Variants in OPHN1 observed in about 807,000 individuals in gnomAD.
OPHN1 encodes oligophrenin-1.
OPHN1 carries 11 observed loss-of-function variants against 60.7 expected under a neutral mutation model. That is an observed-to-expected ratio of 0.18 (90% CI 0.11 to 0.30). The LOEUF (loss-of-function observed/expected upper bound fraction) is 0.30, where lower values mean the gene tolerates loss of function less well. Among genes scored for constraint, OPHN1 ranks in the 10% least tolerant of loss-of-function variants. OPHN1 has a pLI of 1.00. For missense variants in OPHN1, 449 were observed against 611.0 expected, an observed-to-expected ratio of 0.73 and a Z score of 2.80; for synonymous variants, 226 against 222.6, an observed-to-expected ratio of 1.02 and a Z score of -0.14.
chrX:68,402,403 AGAAG>A (rs1773459646), intron 2 of OPHN1, among the ~76,000 whole-genome samples: 1 of 91,868 alleles, frequency 1.1e-5, no homozygotes, highest in African/African-American at 3.5e-5. Flanking sequence ...AGAAGAGAAG[AGAAG>A]GAAGAGAAGA....
At chrX:68,299,704 G>A (rs1441016570) in intron 2 of OPHN1, among the ~76,000 whole-genome samples, 3 of 112,100 alleles carry the variant, frequency 2.7e-5, no homozygotes, top group Non-Finnish European at 5.6e-5. Context: ...AGAAAGCAAC[G>A]AATGAAAACA....
intron 2 of OPHN1, among the ~76,000 whole-genome samples, chrX:68,416,010 G>T (rs1417475721): frequency 1.1e-5 from 1 of 94,697 alleles, no homozygotes; most frequent in Non-Finnish European, 2.0e-5. Context: ...GCAAGACTCC[G>T]TCTCAAAAAA....
chrX:68,217,985 T>A (rs1446310486), intron 6 of OPHN1, among the ~76,000 whole-genome samples: 1 of 99,186 alleles, frequency 1.0e-5, no homozygotes, highest in African/African-American at 3.4e-5. Flanking sequence ...TACTCTGAGC[T>A]ACAGGAGGAC....
At chrX:68,075,288 A>G (rs2076949520) in intron 19 of OPHN1, among the ~76,000 whole-genome samples, 1 of 112,665 alleles carries the variant, frequency 8.9e-6, no homozygotes, top group Non-Finnish European at 1.9e-5. Context: ...TTTGCAAGGC[A>G]AAGTGCCAGA....
intron 9 of OPHN1, among the ~76,000 whole-genome samples, chrX:68,207,058 T>C (rs2077562655): frequency 9.0e-6 from 1 of 111,609 alleles, no homozygotes; most frequent in Non-Finnish European, 1.9e-5. Context: ...ATCTCTCTTT[T>C]AACTGTCTCC....
intron 5 of OPHN1, among the ~76,000 whole-genome samples, chrX:68,270,287 C>T (rs1376903664): frequency 9.0e-6 from 1 of 110,725 alleles, no homozygotes; most frequent in Non-Finnish European, 1.9e-5. Context: ...GACACATGCA[C>T]ACATATGTTT....
chrX:68,284,198 A>T (rs768179876), intron 3 of OPHN1, among the ~76,000 whole-genome samples: 1 of 111,414 alleles, frequency 9.0e-6, no homozygotes, highest in African/African-American at 3.3e-5. Flanking sequence ...AAAGGAAAAG[A>T]CTAAATTTCA....
At chrX:68,166,746 G>T (rs2077360237) in intron 15 of OPHN1, among the ~76,000 whole-genome samples, 1 of 111,270 alleles carries the variant, frequency 9.0e-6, no homozygotes, top group Non-Finnish European at 1.9e-5. Context: ...CATCTACAGT[G>T]AACTCATTAT....
chrX:68,323,432 C>T (rs1328265304), intron 2 of OPHN1, among the ~76,000 whole-genome samples: 1 of 111,232 alleles, frequency 9.0e-6, no homozygotes, highest in Admixed American at 9.7e-5. Flanking sequence ...GATTGCATAC[C>T]CCCCTACACA....
rs752128633 is a variant in OPHN1, at chrX:68,118,205, G to C, written c.1361+1043C>G. ...GGGACCATGGCTATTACTTAATGGA[G>C]AAAGTGGTGCACCTTGGTTTCCTCA... On this transcript the variant is annotated intron_variant, in intron 16 of 24. Coordinates refer to ENST00000355520, the MANE Select transcript of OPHN1 (RefSeq NM_002547.3). Among the ~76,000 whole-genome samples, 5 of 111,285 alleles carry C rather than the reference G, an allele frequency of 4.5e-5. No individual in the cohort carries two copies. In the East Asian group the frequency reaches 1.4e-3, roughly 32 times the overall value.
At chrX:68,352,038 G>A (rs1398857882) in intron 2 of OPHN1, among the ~76,000 whole-genome samples, 6 of 108,689 alleles carry the variant, frequency 5.5e-5, no homozygotes, top group Non-Finnish European at 7.6e-5. Flanking sequence ...CACCGCGCCC[G>A]GCTAATTTAT....
intron 6 of OPHN1, among the ~76,000 whole-genome samples, chrX:68,222,068 A>C (rs1221893020): frequency 9.3e-6 from 1 of 107,935 alleles, no homozygotes; most frequent in Non-Finnish European, 1.9e-5. Flanking sequence ...CAATGAACTC[A>C]AACAAATTTA....
chrX:68,324,049 G>C (rs1455899089), intron 2 of OPHN1, among the ~76,000 whole-genome samples: 2 of 111,801 alleles, frequency 1.8e-5, no homozygotes, highest in East Asian at 5.6e-4. Context: ...CACAGATGAA[G>C]TCCAGAGTGT....
At chrX:68,160,255 T>C (rs973946007) in intron 15 of OPHN1, among the ~76,000 whole-genome samples, 1 of 110,239 alleles carries the variant, frequency 9.1e-6, no homozygotes, top group Non-Finnish European at 1.9e-5. Context: ...CACATACAAC[T>C]AACAACAGAG....
At chrX:68,157,942 TTTC>T (rs899524693) in intron 15 of OPHN1, among the ~76,000 whole-genome samples, 1 of 110,932 alleles carries the variant, frequency 9.0e-6, no homozygotes, top group Non-Finnish European at 1.9e-5. Flanking sequence ...GCTATTTTCT[TTTC>T]TTTTTTTTCT....
intron 11 of OPHN1, among the ~76,000 whole-genome samples, chrX:68,200,917 A>T (rs1342784480): frequency 1.8e-5 from 2 of 112,205 alleles, no homozygotes; most frequent in African/African-American, 6.5e-5. Context: ...TGGTACAACC[A>T]CCCAACTATA....
chrX:68,284,904 C>G (rs1051310401), intron 3 of OPHN1, among the ~76,000 whole-genome samples: 4 of 112,078 alleles, frequency 3.6e-5, no homozygotes, highest in Non-Finnish European at 5.6e-5. Context: ...TTTCACATCC[C>G]ACAAATACTG....
intron 21 of OPHN1, among the ~76,000 whole-genome samples, chrX:68,055,609 A>C (rs974982110): frequency 8.9e-5 from 10 of 112,171 alleles, no homozygotes; most frequent in Non-Finnish European, 1.9e-4. Context: ...CTGGGTATAT[A>C]CCCAAAGGAT....
At chrX:68,332,516 G>A (rs748267399) in intron 2 of OPHN1, among the ~76,000 whole-genome samples, 47 of 112,150 alleles carry the variant, frequency 4.2e-4, no homozygotes, top group Admixed American at 5.7e-4. Context: ...CGAGGGAAAG[G>A]TTATACCACT....
Sources: allele counts gnomAD v4.1 joint callset (sites outside exome capture counted in the v4.1 genomes callset), GRCh38; gene constraint gnomAD v4.1.1; transcripts MANE v1.5; gene names NCBI Gene and HGNC (gene_info 2026-07-23, HGNC 2026-07-21).